GBP7: variants seen among roughly 807,000 people sequenced by gnomAD.
The protein encoded by GBP7 is guanylate-binding protein 7.
Under a neutral mutation model 61.3 loss-of-function variants are expected in GBP7, and 43 were observed. The observed-to-expected ratio is 0.70, with a 90% CI of 0.55 to 0.91. The LOEUF (loss-of-function observed/expected upper bound fraction) is 0.91. Among genes scored for constraint, GBP7 ranks in the 40% least tolerant of loss-of-function variants. GBP7 has a pLI of 0.00. For missense variants in GBP7, 717 were observed against 740.5 expected (o/e 0.97, Z 0.37); for synonymous variants, 267 against 271.0 (o/e 0.99, Z 0.14).
intron 5 of GBP7, among the ~76,000 whole-genome samples, chr1:89,150,813 C>T (rs1394595550): frequency 6.6e-6 from 1 of 152,150 alleles, no homozygotes; most frequent in African/African-American, 2.4e-5. Flanking sequence ...AATGCATCCA[C>T]CTCAAGTGAA....
rs1051157603 is a variant in GBP7 at position 89,152,709 on chromosome 1, G to A, written c.387C>T (p.Asn129=). ...CCTGGTGGTTGATGGTGCCCATGCT[G>A]TTGTAGACAAAGCTGCTGCTTAGAA... ...AVLLSSSFVY[N]SMGTINHQAL... Residue 129 remains asparagine (N), a synonymous_variant, in exon 4 of 11, where the codon AAC becomes AAT. Coordinates refer to ENST00000294671, the MANE Select transcript of GBP7 (RefSeq NM_207398.3). The A allele has an allele frequency of 3.1e-6, 5 of 1,611,674 alleles. No homozygotes were observed. In the African/African-American group the frequency reaches 6.7e-5, roughly 22 times the overall value.
Position 89,152,593 on chromosome 1 carries a change from A to G in GBP7, c.428+75T>C, listed in dbSNP as rs1263308400. On this transcript the variant is annotated intron_variant, in intron 4 of 10. Coordinates refer to ENST00000294671, the MANE Select transcript of GBP7 (RefSeq NM_207398.3). ...ACTCAACCAGGACAACTGAGTCACA[A>G]CAAAGAAGACACAGTATCAGTTTCC... is the stretch of plus-strand genomic sequence containing the variant. 8.5e-6 allele frequency: 13 copies of G among 1,520,746 alleles called. No individual in the cohort carries two copies. The East Asian group carries it at 9.1e-5, about 11-fold the overall frequency. The allele number at this position is 1,520,746 out of a possible 1,614,324, so 94.2% of individuals were successfully genotyped here. A position where few individuals can be genotyped will look rare whatever the true frequency, so the allele number is the denominator to read the frequency against.
chr1:89,149,953 C>T (rs1682155166), intron 6 of GBP7, among the ~76,000 whole-genome samples: 1 of 152,074 alleles, frequency 6.6e-6, no homozygotes, highest in Non-Finnish European at 1.5e-5. Flanking sequence ...AATGTAAATG[C>T]AGGTGCTTTT....
chr1:89,138,661 C>T (rs1681867058), intron 9 of GBP7, among the ~76,000 whole-genome samples: 2 of 152,190 alleles, frequency 1.3e-5, no homozygotes, highest in South Asian at 2.1e-4. Context: ...CTTCTTCTCA[C>T]TATATACAAA....
chr1:89,159,000 G>C (rs555907381), intron 3 of GBP7, among the ~76,000 whole-genome samples: 1 of 152,246 alleles, frequency 6.6e-6, no homozygotes, highest in South Asian at 2.1e-4. Flanking sequence ...CATGGTACTG[G>C]TACCAAAACA....
At chr1:89,172,526 A>AT (rs766951987) in intron 1 of GBP7, among the ~76,000 whole-genome samples, 34 of 150,166 alleles carry the variant, frequency 2.3e-4, no homozygotes, top group East Asian at 1.8e-3. Context: ...GAAGTTATGC[A>AT]TTTTTTTTTG....
chr1:89,144,759 C>G (rs1682028087), intron 8 of GBP7, among the ~76,000 whole-genome samples: 1 of 151,994 alleles, frequency 6.6e-6, no homozygotes, highest in Non-Finnish European at 1.5e-5. Flanking sequence ...ACACAAGGGA[C>G]CTACTCTCTT....
chr1:89,153,577 C>CA (rs1323814123), intron 3 of GBP7, among the ~76,000 whole-genome samples: 1 of 152,174 alleles, frequency 6.6e-6, no homozygotes, highest in Admixed American at 6.5e-5. Context: ...CAGCTATGTA[C>CA]AAAATGCAGA....
chr1:89,147,747 C>G lies in GBP7; in HGVS notation c.1185G>C (p.Val395=). Residue 395 remains valine (V), a synonymous_variant, in exon 8 of 11, where the codon GTG becomes GTC. Transcript: ENST00000294671. ...TGGCAGATGCCTCTTCATTCTGCAG[C>G]ACAAAGTCTTCCTTCTTTTTCTCCA... ...DTMEKKKEDF[V]LQNEEASAKY... The G allele has an allele frequency of 6.2e-7, 1 of 1,614,150 alleles. No homozygotes were observed. The highest frequency in any genetic ancestry group is 8.5e-7 in the Non-Finnish European group (1 of 1,179,998).
At chr1:89,172,092 G>A (rs535498634) in intron 1 of GBP7, 138 bp from the exon 2 acceptor site, 1 of 615,746 alleles carries the variant, frequency 1.6e-6, no homozygotes, top group African/African-American at 1.8e-5. Context: ...GGCCCTTTAA[G>A]GCTGTCCTAT....
At chr1:89,171,590 C>T (rs1051164927) in intron 2 of GBP7, among the ~76,000 whole-genome samples, 156 bp downstream of exon 2, 1 of 150,954 alleles carries the variant, frequency 6.6e-6, no homozygotes, top group Non-Finnish European at 1.5e-5. Context: ...TGACTCCAAT[C>T]CTCCAGAGTG....
At chr1:89,135,295 T>C (rs1285546421) in intron 9 of GBP7, among the ~76,000 whole-genome samples, 1 of 152,096 alleles carries the variant, frequency 6.6e-6, no homozygotes, top group Non-Finnish European at 1.5e-5. Flanking sequence ...CCATGAAAAT[T>C]TCCCCAACCT....
At chr1:89,164,135 G>A (rs1341879228) in intron 3 of GBP7, among the ~76,000 whole-genome samples, 5 of 152,196 alleles carry the variant, frequency 3.3e-5, no homozygotes, top group Non-Finnish European at 4.4e-5. Flanking sequence ...CTTGCAAAGT[G>A]TTGGGATTAC....
At chr1:89,156,001 C>A (rs1254235611) in intron 3 of GBP7, among the ~76,000 whole-genome samples, 1 of 152,220 alleles carries the variant, frequency 6.6e-6, no homozygotes, top group Non-Finnish European at 1.5e-5. Flanking sequence ...AGACTAATAG[C>A]AGATCTCTTG....
intron 4 of GBP7, 53 bp from the exon 5 acceptor site, chr1:89,152,517 C>G (rs1682227759): frequency 6.4e-7 from 1 of 1,565,886 alleles, no homozygotes; most frequent in East Asian, 2.2e-5. Context: ...TTCCACATCT[C>G]ACTTAGAAAC....
chr1:89,147,779 C>T lies in GBP7; in HGVS notation c.1153G>A (p.Asp385Asn). ...KSQEFQKKLV[D>N]TMEKKKEDFV... ...TCTTCCTTCTTTTTCTCCATGGTGT[C>T]CTGCCAGAAAAGTGTAGGGAAAAAC... The change falls in exon 8 of 11, where the codon GAC (aspartate) becomes AAC (asparagine). Residue 385 changes from aspartate (D) to asparagine (N), a missense_variant and splice_region_variant. Around this residue, in one of 3 missense-constraint regions of GBP7, gnomAD observed 312 missense variants for 310.1 expected, o/e 1.01. Transcript: ENST00000294671. 1 of 1,613,838 alleles carries T rather than the reference C, an allele frequency of 6.2e-7. No homozygotes were observed. The highest frequency in any genetic ancestry group is 8.5e-7 in the Non-Finnish European group (1 of 1,179,898).
chr1:89,149,513 G>C lies in GBP7; in HGVS notation c.931C>G (p.Leu311Val). The C allele has an allele frequency of 1.2e-6, 2 of 1,614,188 alleles. No homozygotes were observed. Among genetic ancestry groups the C allele is most frequent in the African/African-American group, 1.3e-5 (1 of 75,056 alleles). ...DAINSGATPC[L>V]ENAMAVLAQC... Reference sequence around the variant, plus strand: ...GCCAGAACTGCCATTGCATTCTCCAGACAAGGAGTCGCTCCACTGTTGATG... The same window carrying C: ...GCCAGAACTGCCATTGCATTCTCCACACAAGGAGTCGCTCCACTGTTGATG... Residue 311 changes from leucine to valine, a missense_variant, in exon 7 of 11, where the codon CTG becomes GTG. Physicochemically the swap from Leu to Val is conservative, Grantham distance 32 (BLOSUM62 1). Around this residue, in one of 3 missense-constraint regions of GBP7, gnomAD observed 387 missense variants for 385.2 expected, o/e 1.00. Transcript: ENST00000294671.
At chr1:89,134,292 T>A (rs1681744713) in intron 9 of GBP7, among the ~76,000 whole-genome samples, 1 of 152,170 alleles carries the variant, frequency 6.6e-6, no homozygotes, top group Admixed American at 6.5e-5. Context: ...CTGGTACACA[T>A]ACCTGTGCAG....
At chr1:89,143,684 A>G (rs1682004228) in intron 8 of GBP7, among the ~76,000 whole-genome samples, 1 of 152,202 alleles carries the variant, frequency 6.6e-6, no homozygotes. Context: ...ATGTCACATG[A>G]CAAAAGCAGG....
Sources: allele counts gnomAD v4.1 joint callset (sites outside exome capture counted in the v4.1 genomes callset), GRCh38; gene constraint gnomAD v4.1.1; regional missense constraint gnomAD v4.1.1; transcripts MANE v1.5; gene names NCBI Gene and HGNC (gene_info 2026-07-23, HGNC 2026-07-21).